The following CAMKMT variants were observed in gnomAD, a reference collection of about 807,000 sequenced individuals.
CAMKMT encodes calmodulin-lysine N-methyltransferase, also known as CaM KMT.
A neutral mutation model predicts 48.0 loss-of-function variants in CAMKMT; 53 were observed. The ratio of observed to expected loss-of-function variants is 1.10; its 90% CI spans 0.89 to 1.39. The LOEUF (loss-of-function observed/expected upper bound fraction) is 1.39, where lower values mean the gene tolerates loss of function less well. Ranked by LOEUF, CAMKMT falls within the 40% of genes most tolerant of loss-of-function variation. The pLI is 0.00. For synonymous variants in CAMKMT, 165 were observed against 152.3 expected (o/e 1.08, Z -0.61); for missense variants, 428 against 402.7 (o/e 1.06, Z -0.54).
intron 7 of CAMKMT, among the ~76,000 whole-genome samples, chr2:44,727,278 G>C (rs113519167): frequency 1.2e-4 from 18 of 152,212 alleles, no homozygotes; most frequent in African/African-American, 4.3e-4. Flanking sequence ...ATTTATTTGT[G>C]TTGTCTTTGA....
At chr2:44,664,805 G>T (rs936574258) in intron 3 of CAMKMT, among the ~76,000 whole-genome samples, 1 of 152,098 alleles carries the variant, frequency 6.6e-6, no homozygotes, top group African/African-American at 2.4e-5. Context: ...GGGTTTTAAA[G>T]GAGATTTCAA....
chr2:44,645,487 A>G (rs1167026845), intron 3 of CAMKMT, among the ~76,000 whole-genome samples: 1 of 152,164 alleles, frequency 6.6e-6, no homozygotes, highest in African/African-American at 2.4e-5. Flanking sequence ...GAAAAGTAGT[A>G]TCAAACAAAA....
At chr2:44,650,585 A>C (rs1181520655) in intron 3 of CAMKMT, among the ~76,000 whole-genome samples, 1 of 152,206 alleles carries the variant, frequency 6.6e-6, no homozygotes, top group Non-Finnish European at 1.5e-5. Flanking sequence ...AGTTTGAGAA[A>C]CAATTACTTT....
At chr2:44,387,814 A>T (rs1257013013) in intron 2 of CAMKMT, among the ~76,000 whole-genome samples, 1 of 152,110 alleles carries the variant, frequency 6.6e-6, no homozygotes, top group Non-Finnish European at 1.5e-5. Context: ...GTTTCACTGG[A>T]TACAAAATTC....
intron 6 of CAMKMT, among the ~76,000 whole-genome samples, chr2:44,708,211 ATTTTTTTTT>A (rs59281575): frequency 1.9e-4 from 13 of 68,194 alleles, no homozygotes; most frequent in South Asian, 7.2e-4. Context: ...TTTGCTTTGG[ATTTTTTTTT>A]TTTTTTTTTT....
intron 3 of CAMKMT, among the ~76,000 whole-genome samples, chr2:44,410,214 T>TAGTTAGCTTAGCATAAACCATA (rs1683093043): frequency 3.4e-5 from 2 of 58,556 alleles, no homozygotes; most frequent in Non-Finnish European, 7.1e-5. Context: ...CAAACTTAAG[T>TAGTTAGCTTAGCATAAACCATA]AATTAGTCAG....
chr2:44,730,496 C>T (rs142158113), intron 7 of CAMKMT, among the ~76,000 whole-genome samples: 1 of 152,356 alleles, frequency 6.6e-6, no homozygotes, highest in African/African-American at 2.4e-5. Context: ...CTGCTCACAG[C>T]ATCCACTGAG....
chr2:44,742,110 G>T lies in CAMKMT; in HGVS notation c.624-1512G>T, dbSNP rs1481207924. Among the ~76,000 whole-genome samples, 19 of 152,066 alleles carry T rather than the reference G, an allele frequency of 1.2e-4. No individual in the cohort carries two copies. In the East Asian group the frequency reaches 3.7e-3, roughly 29 times the overall value. ...CTCTAAAACTCAGGGCTGTGATGAG[G>T]GCTGGGAAGGCCCCATCTCTCACTG... On this transcript the variant is annotated intron_variant, in intron 7 of 10. Transcript: ENST00000378494.
intron 3 of CAMKMT, among the ~76,000 whole-genome samples, chr2:44,537,105 A>G (rs1299266069): frequency 6.6e-6 from 1 of 152,240 alleles, no homozygotes; most frequent in Non-Finnish European, 1.5e-5. Context: ...TGGTCTAGGC[A>G]AAGATTTTAT....
chr2:44,623,626 A>G (rs1236086039), intron 3 of CAMKMT, among the ~76,000 whole-genome samples: 2 of 152,176 alleles, frequency 1.3e-5, no homozygotes, highest in African/African-American at 4.8e-5. Flanking sequence ...GTTGAAAATC[A>G]GATGGTTGTA....
At chr2:44,667,289 C>T (rs143343018) in intron 3 of CAMKMT, among the ~76,000 whole-genome samples, 57 of 152,300 alleles carry the variant, frequency 3.7e-4, no homozygotes, top group South Asian at 2.3e-3. Flanking sequence ...CCATCCACCC[C>T]GTGTTTACCT....
At chr2:44,491,437 T>A (rs1331169256) in intron 3 of CAMKMT, among the ~76,000 whole-genome samples, 1 of 152,208 alleles carries the variant, frequency 6.6e-6, no homozygotes, top group African/African-American at 2.4e-5. Context: ...ACTCCTACCA[T>A]GCCGTACCTT....
At chr2:44,627,414 A>G (rs1672543726) in intron 3 of CAMKMT, among the ~76,000 whole-genome samples, 2 of 152,060 alleles carry the variant, frequency 1.3e-5, no homozygotes, top group African/African-American at 4.8e-5. Context: ...ACACTGGCAA[A>G]TGTTCTTCCT....
At position 44,361,975 on chromosome 2, in the gene CAMKMT, G is replaced by C. The variant is rs2104308129; in HGVS notation, c.-33G>C. The C allele has an allele frequency of 1.5e-6, 2 of 1,364,134 alleles. No individual in the cohort carries two copies. Among genetic ancestry groups the C allele is most frequent in the East Asian group, 6.2e-5 (2 of 32,296 alleles). The allele number at this position is 1,364,134 out of a possible 1,614,324, so 84.5% of individuals were successfully genotyped here. A position where few individuals can be genotyped will look rare whatever the true frequency, so the allele number is the denominator to read the frequency against. On this transcript the variant is annotated 5_prime_UTR_variant, in exon 1 of 11. Coordinates refer to ENST00000378494, the MANE Select transcript of CAMKMT (RefSeq NM_024766.5). The stretch of plus-strand genomic sequence containing the variant: ...TCCTGGCAGGGGACGAGCTGCGGCG[G>C]TGGCACCTCCGGGTGTGGAAGGCTC...
chr2:44,474,697 G>A lies in CAMKMT; in HGVS notation c.376+84392G>A, dbSNP rs201884088. Reference sequence around the variant, plus strand: ...AATTCAGCAAACAACTGTGTTAAATGTTATTCCTGACCTTCCTCACTATGC... The same window carrying A: ...AATTCAGCAAACAACTGTGTTAAATATTATTCCTGACCTTCCTCACTATGC... On this transcript the variant is annotated intron_variant, in intron 3 of 10. Coordinates refer to ENST00000378494, the MANE Select transcript of CAMKMT (RefSeq NM_024766.5). 7.2e-5 allele frequency among the ~76,000 whole-genome samples: 11 copies of A among 152,234 alleles called. No homozygotes were observed. The East Asian group carries it at 2.1e-3, about 29-fold the overall frequency.
chr2:44,683,833 A>AG (rs1370757184), intron 3 of CAMKMT, among the ~76,000 whole-genome samples: 69 of 146,060 alleles, frequency 4.7e-4, no homozygotes, highest in African/African-American at 1.8e-3. Flanking sequence ...AAAAAAAAAA[A>AG]AAAAAAAAAA....
At chr2:44,698,058 G>C (rs1283878851) in intron 3 of CAMKMT, among the ~76,000 whole-genome samples, 1 of 152,090 alleles carries the variant, frequency 6.6e-6, no homozygotes, top group African/African-American at 2.4e-5. Context: ...TTTTTGAAAG[G>C]CAATTTTATT....
At chr2:44,389,185 C>G (rs988432253) in intron 2 of CAMKMT, among the ~76,000 whole-genome samples, 1 of 152,052 alleles carries the variant, frequency 6.6e-6, no homozygotes, top group African/African-American at 2.4e-5. Context: ...CTTGCTGTAG[C>G]TGCTGTGGGG....
chr2:44,730,796 C>T (rs534275414), intron 7 of CAMKMT, among the ~76,000 whole-genome samples: 10 of 152,262 alleles, frequency 6.6e-5, no homozygotes, highest in Admixed American at 2.0e-4. Context: ...CTGTAAATGG[C>T]CCTCTACAAG....
Sources: allele counts gnomAD v4.1 joint callset (sites outside exome capture counted in the v4.1 genomes callset), GRCh38; gene constraint gnomAD v4.1.1; transcripts MANE v1.5; gene names NCBI Gene and HGNC (gene_info 2026-07-23, HGNC 2026-07-21).